Variants in ASTN2 observed in about 807,000 individuals in gnomAD.
The protein encoded by ASTN2 is astrotactin 2, also known as astrotactin-2.
ASTN2 carries 54 observed loss-of-function variants against 139.8 expected under a neutral mutation model. The ratio of observed to expected loss-of-function variants is 0.39; its 90% CI spans 0.31 to 0.48. The LOEUF is 0.48. Among genes scored for constraint, ASTN2 ranks in the 20% least tolerant of loss-of-function variants. ASTN2 has a pLI of 0.95. For missense variants in ASTN2, 1,565 were observed against 1,725.1 expected (o/e 0.91, Z 1.64); for synonymous variants, 756 against 719.5 (o/e 1.05, Z -0.81).
rs374761629 is a variant in ASTN2, at chr9:116,769,433, G to C, written c.2397-35910C>G. 1.7e-4 allele frequency among the ~76,000 whole-genome samples: 26 copies of C among 152,292 alleles called. 1 individual carries two copies. Among genetic ancestry groups the C allele is most frequent in the South Asian group, 1.0e-3 (5 of 4,820 alleles). On this transcript the variant is annotated intron_variant, in intron 13 of 22. Transcript: ENST00000313400. ...TTGCATAGATTTCTCTTTCTAGAAGGCTGGCTGTGAATGGAAGACATAAGG... is the reference window on the plus strand; with the variant it reads ...TTGCATAGATTTCTCTTTCTAGAAGCCTGGCTGTGAATGGAAGACATAAGG...
At chr9:116,772,308 T>A (rs1250201085) in intron 13 of ASTN2, among the ~76,000 whole-genome samples, 1 of 152,106 alleles carries the variant, frequency 6.6e-6, no homozygotes, top group Non-Finnish European at 1.5e-5. Context: ...AGTGAGTAAG[T>A]CTCACGAGAT....
intron 16 of ASTN2, chr9:116,687,364 G>A (rs1860301199): frequency 1.6e-6 from 1 of 644,092 alleles, no homozygotes; most frequent in Non-Finnish European, 1.9e-6. Context: ...TGGACTCGTC[G>A]GAGCCGCGGG....
intron 3 of ASTN2, among the ~76,000 whole-genome samples, chr9:117,156,222 T>C (rs576151379): frequency 2.0e-5 from 3 of 152,136 alleles, no homozygotes; most frequent in African/African-American, 7.2e-5. Context: ...AGAACTAGTA[T>C]CTTTTGAGTG....
intron 13 of ASTN2, among the ~76,000 whole-genome samples, chr9:116,750,607 GAAAAC>G (rs751582530): frequency 5.9e-5 from 9 of 152,174 alleles, no homozygotes; most frequent in Non-Finnish European, 1.2e-4. Flanking sequence ...AATGGAGAAA[GAAAAC>G]ACCCAAAGGC....
chr9:117,230,499 G>C (rs79509838), intron 2 of ASTN2, among the ~76,000 whole-genome samples: 1 of 152,118 alleles, frequency 6.6e-6, no homozygotes, highest in Non-Finnish European at 1.5e-5. Context: ...TGATTTCATC[G>C]TAAGATCCTT....
chr9:117,044,342 A>G (rs1838671313), intron 5 of ASTN2, among the ~76,000 whole-genome samples: 1 of 152,238 alleles, frequency 6.6e-6, no homozygotes, highest in East Asian at 1.9e-4. Context: ...GAATGCCTGA[A>G]TCACCACAGT....
intron 1 of ASTN2, among the ~76,000 whole-genome samples, chr9:117,334,391 G>A (rs1361184871): frequency 2.0e-5 from 3 of 151,928 alleles, no homozygotes; most frequent in Non-Finnish European, 4.4e-5. Flanking sequence ...GGATACATCA[G>A]CCACACCTTG....
At chr9:117,172,366 C>T (rs1830814679) in intron 3 of ASTN2, among the ~76,000 whole-genome samples, 2 of 151,670 alleles carry the variant, frequency 1.3e-5, no homozygotes, top group African/African-American at 4.8e-5. Flanking sequence ...GCCACTGTAT[C>T]GGGAGGCACA....
intron 1 of ASTN2, among the ~76,000 whole-genome samples, chr9:117,293,174 G>C (rs1834637919): frequency 6.6e-6 from 1 of 152,024 alleles, no homozygotes; most frequent in South Asian, 2.1e-4. Flanking sequence ...CAGTTCATCA[G>C]AAAATCCTTC....
chr9:117,217,467 C>CTT (rs1832362856), intron 2 of ASTN2, among the ~76,000 whole-genome samples: 1 of 152,228 alleles, frequency 6.6e-6, no homozygotes, highest in Non-Finnish European at 1.5e-5. Flanking sequence ...CCACCTGCAA[C>CTT]TACTAATGCC....
chr9:117,215,932 A>G (rs1268891572), intron 2 of ASTN2, among the ~76,000 whole-genome samples: 1 of 152,200 alleles, frequency 6.6e-6, no homozygotes, highest in Non-Finnish European at 1.5e-5. Context: ...CCAGAAACTC[A>G]GAGAGCAAGT....
At chr9:116,617,679 A>C (rs1038882515) in intron 19 of ASTN2, among the ~76,000 whole-genome samples, 1 of 152,228 alleles carries the variant, frequency 6.6e-6, no homozygotes, top group African/African-American at 2.4e-5. Context: ...CAGATGTCTA[A>C]TTGATGTTTT....
chr9:116,998,553 C>T (rs868244698), intron 7 of ASTN2, among the ~76,000 whole-genome samples: 4 of 134,978 alleles, frequency 3.0e-5, no homozygotes, highest in Non-Finnish European at 5.0e-5. Flanking sequence ...TGATTTTCAT[C>T]CATCCATCCA....
chr9:116,519,072 C>G (rs773759017), intron 19 of ASTN2, among the ~76,000 whole-genome samples: 1 of 152,020 alleles, frequency 6.6e-6, no homozygotes, highest in African/African-American at 2.4e-5. Context: ...CTTTAATACT[C>G]CACTGAGAGC....
At chr9:116,836,837 C>G in intron 11 of ASTN2, among the ~76,000 whole-genome samples, 1 of 151,966 alleles carries the variant, frequency 6.6e-6, no homozygotes, top group East Asian at 1.9e-4. Flanking sequence ...GAAAATGTGT[C>G]TACTCCTCCA....
At chr9:117,108,118 A>G (rs973848228) in intron 4 of ASTN2, among the ~76,000 whole-genome samples, 2 of 152,198 alleles carry the variant, frequency 1.3e-5, no homozygotes, top group Admixed American at 6.5e-5. Context: ...TCCATGTGTT[A>G]AATATCAATA....
intron 1 of ASTN2, among the ~76,000 whole-genome samples, chr9:117,354,097 G>A (rs967911556): frequency 6.6e-6 from 1 of 152,148 alleles, no homozygotes; most frequent in Non-Finnish European, 1.5e-5. Flanking sequence ...TACTACTCTG[G>A]TGGGAAGATG....
At chr9:116,533,113 T>A (rs1446228335) in intron 19 of ASTN2, among the ~76,000 whole-genome samples, 1 of 152,228 alleles carries the variant, frequency 6.6e-6, no homozygotes, top group African/African-American at 2.4e-5. Flanking sequence ...TTTTATTCTT[T>A]TTGAAGCAAT....
At chr9:116,889,754 CACA>C (rs1170314793) in intron 10 of ASTN2, among the ~76,000 whole-genome samples, 1 of 143,076 alleles carries the variant, frequency 7.0e-6, no homozygotes, top group East Asian at 1.9e-4. Context: ...CACACACACA[CACA>C]CACACACACA....
Sources: allele counts gnomAD v4.1 joint callset (sites outside exome capture counted in the v4.1 genomes callset), GRCh38; gene constraint gnomAD v4.1.1; transcripts MANE v1.5; gene names NCBI Gene and HGNC (gene_info 2026-07-23, HGNC 2026-07-21).